Variants in SYNE1 observed in about 807,000 individuals in gnomAD.
SYNE1 encodes the protein spectrin repeat containing nuclear envelope protein 1.
SYNE1 carries 616 observed loss-of-function variants against 1,111.0 expected under a neutral mutation model. The observed-to-expected ratio is 0.55, with a 90% CI of 0.52 to 0.59. SYNE1 has a LOEUF of 0.59. Ranked by LOEUF, SYNE1 falls within the 20% of genes least tolerant of loss-of-function variation. The pLI, the probability that SYNE1 is intolerant of heterozygous loss-of-function variation, is 0.00. For synonymous variants in SYNE1, 3,855 were observed against 3,825.8 expected (o/e 1.01, Z -0.28); for missense variants, 10,006 against 10,417.0 (o/e 0.96, Z 1.72).
At chr6:152,633,166 G>A (rs772846933) in intron 2 of SYNE1, among the ~76,000 whole-genome samples, 5 of 152,210 alleles carry the variant, frequency 3.3e-5, no homozygotes, top group Admixed American at 6.5e-5. Flanking sequence ...GGAGCACGAA[G>A]GAGAGGGAAT....
chr6:152,493,412 C>T (rs2098982125), intron 11 of SYNE1, among the ~76,000 whole-genome samples: 1 of 152,048 alleles, frequency 6.6e-6, no homozygotes, highest in Admixed American at 6.6e-5. Context: ...TCTTCGCTTT[C>T]ATTTGGACTG....
chr6:152,223,397 GGA>G (rs2153474097), intron 117 of SYNE1, among the ~76,000 whole-genome samples: 1 of 152,236 alleles, frequency 6.6e-6, no homozygotes, highest in East Asian at 1.9e-4. Flanking sequence ...TGAGGCATGT[GGA>G]TCATGAGGTC....
chr6:152,224,545 A>ACGGAAT lies in SYNE1; in HGVS notation c.21465_21470dup (p.Phe7156_Arg7157dup). 1 of 1,614,082 alleles carries ACGGAAT rather than the reference A, an allele frequency of 6.2e-7. No individual in the cohort carries two copies. The highest frequency in any genetic ancestry group is 8.5e-7 in the Non-Finnish European group (1 of 1,179,968). ...CAGCTTCTAAGGAGCCAGTCAGCAG[A>ACGGAAT]CGGAATCGGGAAAGAGAGTATCTGG... On this transcript the variant is annotated inframe_insertion, in exon 117 of 146. Coordinates refer to ENST00000367255, the MANE Select transcript of SYNE1 (RefSeq NM_182961.4).
At chr6:152,616,652 C>G (rs1410130068) in intron 3 of SYNE1, among the ~76,000 whole-genome samples, 1 of 152,122 alleles carries the variant, frequency 6.6e-6, no homozygotes, top group Non-Finnish European at 1.5e-5. Context: ...GAGAGAGTCT[C>G]CCTTTTATAA....
At position 152,628,483 on chromosome 6, in the gene SYNE1, C is replaced by G; in HGVS notation, c.-152G>C. 1.3e-6 allele frequency: 1 copy of G among 759,370 alleles called. No individual in the cohort carries two copies. The highest frequency in any genetic ancestry group is 2.3e-6 in the Non-Finnish European group (1 of 433,900). The allele number at this position is 759,370 out of a possible 1,614,324, so 47.0% of individuals were successfully genotyped here. A position where few individuals can be genotyped will look rare whatever the true frequency, so the allele number is the denominator to read the frequency against. On this transcript the variant is annotated 5_prime_UTR_variant, in exon 3 of 146. Coordinates refer to ENST00000367255, the MANE Select transcript of SYNE1 (RefSeq NM_182961.4). Reference sequence around the variant, plus strand: ...TTTGCAGCACTCAACAAGGAGGCAGCTCTCCCAAAGACTGAACTGCTTCTT... The same window carrying G: ...TTTGCAGCACTCAACAAGGAGGCAGGTCTCCCAAAGACTGAACTGCTTCTT...
chr6:152,315,724 A>C (rs567592887), intron 87 of SYNE1: 1 of 152,290 alleles, frequency 6.6e-6, no homozygotes, highest in Non-Finnish European at 1.5e-5. Flanking sequence ...ATTGTTTTCA[A>C]ATCAGTGGTA....
At chr6:152,431,931 A>T (rs1000888897) in intron 34 of SYNE1, among the ~76,000 whole-genome samples, 2 of 152,166 alleles carry the variant, frequency 1.3e-5, no homozygotes, top group African/African-American at 4.8e-5. Flanking sequence ...AATTCAAAAA[A>T]TATAGGTTGT....
intron 4 of SYNE1, among the ~76,000 whole-genome samples, chr6:152,538,189 C>A (rs1362828062): frequency 6.6e-6 from 1 of 152,180 alleles, no homozygotes; most frequent in African/African-American, 2.4e-5. Flanking sequence ...TGACTACCTA[C>A]TTCTAGAAAT....
Position 152,376,455 on chromosome 6 carries a change from T to C in SYNE1, c.9250A>G (p.Lys3084Glu), listed in dbSNP as rs1391282600. ...RDFQQWLVNA[K>E]ITTAKCFDIP... ...TCAAAACACTTGGCGGTAGTGATTTTTGCATTAACCAACCACTGCTGGAAA... is the reference window on the plus strand; with the variant it reads ...TCAAAACACTTGGCGGTAGTGATTTCTGCATTAACCAACCACTGCTGGAAA... The change falls in exon 58 of 146, where the codon AAA becomes GAA. Residue 3084 changes from lysine to glutamate, a missense_variant. Transcript: ENST00000367255. The C allele has an allele frequency of 6.2e-7, 1 of 1,614,226 alleles. No individual in the cohort carries two copies. The highest frequency in any genetic ancestry group is 1.3e-5 in the African/African-American group (1 of 75,062).
intron 42 of SYNE1, 123 bp downstream of exon 42, chr6:152,413,229 C>T: frequency 2.7e-6 from 3 of 1,101,230 alleles, no homozygotes; most frequent in Non-Finnish European, 4.2e-6. Flanking sequence ...GAAAGTGACA[C>T]AGAATATCTA....
intron 77 of SYNE1, among the ~76,000 whole-genome samples, chr6:152,333,526 G>A (rs562549011): frequency 4.1e-4 from 63 of 152,000 alleles, no homozygotes; most frequent in African/African-American, 1.3e-3. Context: ...AATCAATATC[G>A]AGCTAGGAAA....
chr6:152,178,242 T>TTA (rs2066971600), intron 129 of SYNE1, among the ~76,000 whole-genome samples: 1 of 150,938 alleles, frequency 6.6e-6, no homozygotes, highest in African/African-American at 2.4e-5. Flanking sequence ...CTAAATTTAG[T>TTA]AAAAAAAAAG....
At position 152,609,327 on chromosome 6, in the gene SYNE1, G is replaced by T. The variant is rs111261831; in HGVS notation, c.67+18938C>A. On this transcript the variant is annotated intron_variant, in intron 3 of 145. Coordinates refer to ENST00000367255, the MANE Select transcript of SYNE1 (RefSeq NM_182961.4). ...GAAGACAAGGAGATTCTCTCCTGAG[G>T]CTGGCTCAGCAGGTCCCACACTCAC... Among the ~76,000 whole-genome samples the T allele has an allele frequency of 3.9e-5, 6 of 152,250 alleles. No homozygotes were observed. The East Asian group carries it at 7.8e-4, about 20-fold the overall frequency.
At chr6:152,441,098 T>C in intron 32 of SYNE1, 32 bp downstream of exon 32, 3 of 1,612,264 alleles carry the variant, frequency 1.9e-6, no homozygotes, top group Non-Finnish European at 2.5e-6. Context: ...TTGTTTTTTC[T>C]GAATATTGGG....
chr6:152,353,215 C>T (rs1021133111), intron 69 of SYNE1, 48 bp downstream of exon 69: 1 of 1,610,132 alleles, frequency 6.2e-7, no homozygotes, highest in African/African-American at 1.3e-5. Flanking sequence ...AATGGGGCAG[C>T]TTGGTGAACG....
intron 104 of SYNE1, among the ~76,000 whole-genome samples, 188 bp from the exon 105 acceptor site, chr6:152,249,450 G>A (rs568237150): frequency 1.3e-5 from 2 of 152,300 alleles, no homozygotes; most frequent in East Asian, 3.9e-4. Flanking sequence ...ACTGACTCCT[G>A]AAGAATCTGT....
At chr6:152,594,524 T>C (rs1278075317) in intron 3 of SYNE1, among the ~76,000 whole-genome samples, 1 of 152,232 alleles carries the variant, frequency 6.6e-6, no homozygotes, top group Non-Finnish European at 1.5e-5. Context: ...CCAATGAATC[T>C]ATGAAATCTT....
At chr6:152,597,984 G>T (rs1017675388) in intron 3 of SYNE1, among the ~76,000 whole-genome samples, 3 of 152,136 alleles carry the variant, frequency 2.0e-5, no homozygotes, top group African/African-American at 7.2e-5. Context: ...CATTGATGAA[G>T]TGGTAACGAA....
At chr6:152,189,105 A>T in intron 128 of SYNE1, 147 bp downstream of exon 128, 1 of 768,820 alleles carries the variant, frequency 1.3e-6, no homozygotes, top group Non-Finnish European at 2.2e-6. Context: ...TTGATCTGAA[A>T]TGTTCTGGTA....
Sources: allele counts gnomAD v4.1 joint callset (sites outside exome capture counted in the v4.1 genomes callset), GRCh38; gene constraint gnomAD v4.1.1; transcripts MANE v1.5; gene names NCBI Gene and HGNC (gene_info 2026-07-23, HGNC 2026-07-21).